Variants in ARMH4 observed in about 807,000 individuals in gnomAD.
ARMH4 encodes armadillo like helical domain containing 4.
In ARMH4, 49 loss-of-function variants were observed where a neutral mutation model predicts 61.9. That is an observed-to-expected ratio of 0.79 (90% confidence interval 0.63 to 1.00). The LOEUF is 1.00. ARMH4 is among the 50% of genes least tolerant of loss of function. The pLI is 0.00. For synonymous variants in ARMH4, 368 were observed against 341.5 expected (o/e 1.08, Z -0.85); for missense variants, 934 against 930.0 (o/e 1.00, Z -0.06).
chr14:58,031,245 A>C (rs1448630779), intron 5 of ARMH4, among the ~76,000 whole-genome samples: 2 of 152,234 alleles, frequency 1.3e-5, no homozygotes, highest in African/African-American at 4.8e-5. Flanking sequence ...AGACACTAGA[A>C]ATAAAATCTG....
intron 5 of ARMH4, among the ~76,000 whole-genome samples, chr14:58,038,804 T>C (rs976821133): frequency 6.6e-6 from 1 of 152,240 alleles, no homozygotes; most frequent in Admixed American, 6.5e-5. Context: ...ATATACTGCA[T>C]TATGGCTACT....
intron 5 of ARMH4, among the ~76,000 whole-genome samples, chr14:58,015,930 T>C (rs1882595576): frequency 6.6e-6 from 1 of 151,450 alleles, no homozygotes; most frequent in Non-Finnish European, 1.5e-5. Context: ...AATTTAAAGA[T>C]GATTATTTAT....
chr14:58,018,271 C>T (rs1882687868), intron 5 of ARMH4, among the ~76,000 whole-genome samples: 2 of 151,862 alleles, frequency 1.3e-5, no homozygotes, highest in Non-Finnish European at 2.9e-5. Context: ...AAATAGAAAA[C>T]CGGGATTTTA....
chr14:58,145,254 G>A (rs1887700480), intron 1 of ARMH4, among the ~76,000 whole-genome samples: 1 of 152,160 alleles, frequency 6.6e-6, no homozygotes, highest in Admixed American at 6.5e-5. Flanking sequence ...CTTGCTATAT[G>A]ATACTGAGCA....
At chr14:58,067,288 G>A (rs1884734865) in intron 5 of ARMH4, among the ~76,000 whole-genome samples, 1 of 152,174 alleles carries the variant, frequency 6.6e-6, no homozygotes, top group Non-Finnish European at 1.5e-5. Flanking sequence ...TTACATGGTA[G>A]GTACTGTTCT....
chr14:58,142,616 C>T (rs531034226), intron 1 of ARMH4, among the ~76,000 whole-genome samples: 2 of 152,130 alleles, frequency 1.3e-5, no homozygotes, highest in African/African-American at 4.8e-5. Context: ...GGACTACAGG[C>T]GTGCACCACC....
At chr14:58,006,297 T>C (rs887949564) in intron 6 of ARMH4, among the ~76,000 whole-genome samples, 16 of 152,190 alleles carry the variant, frequency 1.1e-4, no homozygotes, top group Admixed American at 2.6e-4. Context: ...ATTTAAATTG[T>C]TCATAAGTCT....
chr14:58,136,930 G>T (rs1404619685), intron 2 of ARMH4, among the ~76,000 whole-genome samples: 1 of 152,126 alleles, frequency 6.6e-6, no homozygotes, highest in Non-Finnish European at 1.5e-5. Context: ...GGAAAACAAA[G>T]TTAGAAAATT....
At chr14:58,064,529 C>G (rs1056984398) in intron 5 of ARMH4, among the ~76,000 whole-genome samples, 11 of 152,140 alleles carry the variant, frequency 7.2e-5, no homozygotes, top group African/African-American at 2.4e-4. Context: ...TACACTTATT[C>G]CAATAATGTT....
At chr14:58,004,894 C>T (rs146667908) in intron 7 of ARMH4, 90 bp from the exon 8 acceptor site, 241 of 1,528,268 alleles carry the variant, frequency 1.6e-4, no homozygotes, top group Admixed American at 2.1e-4. Context: ...TGCTAACAAA[C>T]GAAGCCAAGG....
At chr14:58,050,345 C>A (rs1480384817) in intron 5 of ARMH4, among the ~76,000 whole-genome samples, 2 of 152,206 alleles carry the variant, frequency 1.3e-5, no homozygotes, top group African/African-American at 4.8e-5. Context: ...TCAGGCCACA[C>A]CAGCCTAAGG....
chr14:58,140,267 C>T (rs1887487379), intron 1 of ARMH4, among the ~76,000 whole-genome samples: 1 of 108,126 alleles, frequency 9.2e-6, no homozygotes, highest in African/African-American at 3.9e-5. Flanking sequence ...AAGAGCAAAA[C>T]TCCATCTCAA....
At chr14:58,141,513 T>A (rs1216480060) in intron 1 of ARMH4, 4 of 538,082 alleles carry the variant, frequency 7.4e-6, no homozygotes, top group Non-Finnish European at 3.7e-6. Flanking sequence ...GTGGCATTAC[T>A]GAGCCTTCCC....
chr14:58,013,777 C>T (rs1173828278), intron 5 of ARMH4, among the ~76,000 whole-genome samples: 1 of 152,154 alleles, frequency 6.6e-6, no homozygotes, highest in Non-Finnish European at 1.5e-5. Flanking sequence ...CGGTGGCTCA[C>T]ACCTGTAACC....
intron 4 of ARMH4, among the ~76,000 whole-genome samples, chr14:58,106,530 T>G (rs1259095303): frequency 6.6e-6 from 1 of 152,240 alleles, no homozygotes; most frequent in East Asian, 1.9e-4. Flanking sequence ...AGTGTGTCCA[T>G]AGCTCAAATA....
At chr14:58,017,147 C>T (rs1882643114) in intron 5 of ARMH4, among the ~76,000 whole-genome samples, 1 of 152,102 alleles carries the variant, frequency 6.6e-6, no homozygotes, top group South Asian at 2.1e-4. Context: ...AAAACCTTGT[C>T]TCTACAAAAA....
intron 4 of ARMH4, among the ~76,000 whole-genome samples, chr14:58,118,588 C>T (rs565370666): frequency 9.2e-5 from 14 of 151,972 alleles, no homozygotes; most frequent in African/African-American, 3.4e-4. Flanking sequence ...TGCCAGAAAG[C>T]CTGGCAAAGT....
At chr14:58,012,269 A>G (rs1882438008) in intron 5 of ARMH4, 119 bp from the exon 6 acceptor site, 1 of 541,932 alleles carries the variant, frequency 1.8e-6, no homozygotes. Flanking sequence ...AGGATTAACA[A>G]TATAACATAA....
intron 4 of ARMH4, among the ~76,000 whole-genome samples, chr14:58,098,035 G>A (rs1885817989): frequency 6.6e-6 from 1 of 150,928 alleles, no homozygotes; most frequent in Admixed American, 6.6e-5. Context: ...AAAGTTCACA[G>A]AAGGCCTTCC....
Sources: gnomAD v4.1 joint callset for allele counts (sites outside exome capture counted in the v4.1 genomes callset) on GRCh38, gnomAD v4.1.1 for gene constraint, MANE v1.5 for transcripts, NCBI Gene and HGNC (gene_info 2026-07-23, HGNC 2026-07-21) for gene names.